The following TMOD3 variants were observed in gnomAD, a reference collection of about 807,000 sequenced individuals.
The protein encoded by TMOD3 is tropomodulin-3.
Under a neutral mutation model 39.2 loss-of-function variants are expected in TMOD3, and 20 were observed. That is an observed-to-expected ratio of 0.51 (90% CI 0.36 to 0.74). The LOEUF (loss-of-function observed/expected upper bound fraction) is 0.74. Ranked by LOEUF, TMOD3 falls within the 30% of genes least tolerant of loss-of-function variation. The pLI is 0.00. For missense variants in TMOD3, 381 were observed against 412.8 expected (o/e 0.92, Z 0.67); for synonymous variants, 143 against 145.8 (o/e 0.98, Z 0.14).
At chr15:51,877,071 TAAAG>T (rs940748499) in intron 3 of TMOD3, among the ~76,000 whole-genome samples, 2 of 152,010 alleles carry the variant, frequency 1.3e-5, no homozygotes, top group African/African-American at 2.4e-5. Flanking sequence ...TCAAAAAAAA[TAAAG>T]AAAAAGTCTT....
At chr15:51,836,152 G>T (rs116729283) in intron 1 of TMOD3, among the ~76,000 whole-genome samples, 34 of 151,850 alleles carry the variant, frequency 2.2e-4, no homozygotes, top group Admixed American at 1.3e-3. Flanking sequence ...GATATAATTC[G>T]CACACCATAC....
At chr15:51,836,111 C>T (rs548655707) in intron 1 of TMOD3, among the ~76,000 whole-genome samples, 8 of 152,160 alleles carry the variant, frequency 5.3e-5, no homozygotes, top group Non-Finnish European at 1.0e-4. Context: ...CATTCCTTCC[C>T]CCTTTCTCTA....
At chr15:51,832,200 A>ATT (rs1247593813) in intron 1 of TMOD3, among the ~76,000 whole-genome samples, 2 of 59,444 alleles carry the variant, frequency 3.4e-5, no homozygotes, top group Non-Finnish European at 7.2e-5. Flanking sequence ...AAAAGAAAAA[A>ATT]AATTATATAT....
intron 1 of TMOD3, chr15:51,857,942 T>G (rs1315793293): frequency 6.6e-6 from 1 of 152,206 alleles, no homozygotes; most frequent in East Asian, 1.9e-4. Context: ...AGAATTACAT[T>G]TTATGGCTAA....
chr15:51,893,446 A>C (rs1452600870), intron 5 of TMOD3, among the ~76,000 whole-genome samples: 1 of 151,738 alleles, frequency 6.6e-6, no homozygotes, highest in Non-Finnish European at 1.5e-5. Context: ...GATGTTACCA[A>C]GTCAATTATC....
At chr15:51,866,178 G>A (rs1196580964) in intron 2 of TMOD3, among the ~76,000 whole-genome samples, 4 of 152,098 alleles carry the variant, frequency 2.6e-5, no homozygotes, top group African/African-American at 4.8e-5. Context: ...TTTTTGGCCG[G>A]GTATAGTGGC....
intron 5 of TMOD3, among the ~76,000 whole-genome samples, chr15:51,889,476 C>T (rs548376105): frequency 6.6e-6 from 1 of 152,226 alleles, no homozygotes; most frequent in African/African-American, 2.4e-5. Flanking sequence ...AAAGAAATTA[C>T]ATTATAAAAT....
intron 3 of TMOD3, among the ~76,000 whole-genome samples, chr15:51,870,485 T>G (rs939373792): frequency 1.3e-5 from 2 of 152,202 alleles, no homozygotes; most frequent in African/African-American, 4.8e-5. Context: ...AGAATGGGAC[T>G]TGGGCTTTTT....
intron 3 of TMOD3, 142 bp downstream of exon 3, chr15:51,869,515 T>G (rs2056464493): frequency 1.3e-6 from 1 of 753,104 alleles, no homozygotes; most frequent in East Asian, 2.9e-5. Context: ...CATTTATTGG[T>G]TTAGATACTT....
intron 3 of TMOD3, among the ~76,000 whole-genome samples, chr15:51,875,424 C>T (rs1376382013): frequency 2.6e-5 from 4 of 151,988 alleles, no homozygotes; most frequent in Non-Finnish European, 4.4e-5. Flanking sequence ...CTTTTCAGAC[C>T]GGTCATGCAA....
chr15:51,887,949 T>C (rs1206319996), intron 4 of TMOD3, among the ~76,000 whole-genome samples: 1 of 152,234 alleles, frequency 6.6e-6, no homozygotes, highest in Non-Finnish European at 1.5e-5. Context: ...GTTCGACATC[T>C]TTTCCCATGT....
Position 51,911,332 on chromosome 15 carries a change from A to G in TMOD3, c.*2522A>G, listed in dbSNP as rs539952936. The G allele has an allele frequency of 2.0e-5, 3 of 152,292 alleles. No homozygotes were observed. The highest frequency in any genetic ancestry group is 1.9e-4 in the East Asian group (1 of 5,182). 9.4% of individuals were successfully genotyped at this position (152,292 alleles called of 1,614,324 possible). A position where few individuals can be genotyped will look rare whatever the true frequency, so the allele number is the denominator to read the frequency against. Reference sequence around the variant, plus strand: ...TGAGTATTTTGCTTGTACCATTTCAATTCTGCATTATAGTAGTTCATTGTA... The same window carrying G: ...TGAGTATTTTGCTTGTACCATTTCAGTTCTGCATTATAGTAGTTCATTGTA... On this transcript the variant is annotated 3_prime_UTR_variant, in exon 10 of 10. Coordinates refer to ENST00000308580, the MANE Select transcript of TMOD3 (RefSeq NM_014547.5).
chr15:51,907,754 G>C (rs1475854466), intron 9 of TMOD3, among the ~76,000 whole-genome samples: 1 of 152,222 alleles, frequency 6.6e-6, no homozygotes, highest in African/African-American at 2.4e-5. Context: ...GCTCTCTAGT[G>C]GCTGATAGGT....
At chr15:51,869,845 T>C (rs2056466110) in intron 3 of TMOD3, among the ~76,000 whole-genome samples, 4 of 152,228 alleles carry the variant, frequency 2.6e-5, no homozygotes, top group Admixed American at 2.6e-4. Context: ...TCAGTAGTTT[T>C]AGGAAATTTT....
chr15:51,904,340 A>C (rs529720294), intron 9 of TMOD3, among the ~76,000 whole-genome samples: 1 of 152,242 alleles, frequency 6.6e-6, no homozygotes, highest in Non-Finnish European at 1.5e-5. Flanking sequence ...GGCAGGGGCC[A>C]TGTCCGACTA....
chr15:51,851,988 C>T (rs2056364360), intron 1 of TMOD3, among the ~76,000 whole-genome samples: 1 of 152,142 alleles, frequency 6.6e-6, no homozygotes, highest in Non-Finnish European at 1.5e-5. Context: ...CCTTCCTGAT[C>T]CTCCCCACCT....
chr15:51,862,950 G>A lies in TMOD3; in HGVS notation c.66G>A (p.Gly22=), dbSNP rs769612909. The change falls in exon 2 of 10, where the codon GGG becomes GGA. Residue 22 remains glycine (G), a synonymous_variant. Coordinates refer to ENST00000308580, the MANE Select transcript of TMOD3 (RefSeq NM_014547.5). ...YKDLDEDELL[G]NLSETELKQL... Reference sequence around the variant, plus strand: ...ACCTTGATGAAGATGAGCTCCTTGGGAATCTGTCAGAAACAGAACTGAAAC... The same window carrying A: ...ACCTTGATGAAGATGAGCTCCTTGGAAATCTGTCAGAAACAGAACTGAAAC... 13 of 1,613,914 alleles carry A rather than the reference G, an allele frequency of 8.1e-6. No homozygotes were observed. Among genetic ancestry groups the A allele is most frequent in the African/African-American group, 2.7e-5 (2 of 74,922 alleles).
intron 1 of TMOD3, among the ~76,000 whole-genome samples, chr15:51,862,142 G>A (rs574911762): frequency 8.6e-4 from 130 of 152,038 alleles, no homozygotes; most frequent in Non-Finnish European, 1.7e-3. Flanking sequence ...GGGAGAGACC[G>A]CACAGGAAGG....
intron 9 of TMOD3, 96 bp from the exon 10 acceptor site, chr15:51,908,680 T>C (rs1476084421): frequency 1.9e-5 from 17 of 896,082 alleles, no homozygotes; most frequent in Admixed American, 2.9e-5. Context: ...GTAAAACTTA[T>C]AACTGGATTA....
Sources: allele counts gnomAD v4.1 joint callset (sites outside exome capture counted in the v4.1 genomes callset), GRCh38; gene constraint gnomAD v4.1.1; transcripts MANE v1.5; gene names NCBI Gene and HGNC (gene_info 2026-07-23, HGNC 2026-07-21).